The following MUC5B variants were observed in gnomAD, a reference collection of about 807,000 sequenced individuals.
MUC5B encodes mucin 5B, oligomeric mucus/gel-forming.
Under a neutral mutation model 376.9 loss-of-function variants are expected in MUC5B, and 116 were observed. The observed-to-expected ratio is 0.31, with a 90% CI of 0.26 to 0.36. MUC5B has a LOEUF of 0.36. Among genes scored for constraint, MUC5B ranks in the 10% least tolerant of loss-of-function variants. MUC5B has a pLI of 1.00. For missense variants in MUC5B, 7,165 were observed against 7,769.9 expected, an observed-to-expected ratio of 0.92 and a Z score of 2.93; for synonymous variants, 3,517 against 3,390.9, an observed-to-expected ratio of 1.04 and a Z score of -1.29.
In MUC5B at chr11:1,243,062, C is replaced by T. The variant is rs61997210; in HGVS notation, c.6182C>T (p.Ala2061Val). 0.057 allele frequency: 92,633 copies of T among 1,611,446 alleles called. 4,417 individuals are homozygous for T. The highest frequency in any genetic ancestry group is 0.14 in the Admixed American group (8,202 of 59,926). Reference sequence around the variant, plus strand: ...ACTACCACAACCACGGGCTTCACAGCCACCCCCTCCTCCAGCCCAGGGACG... The same window carrying T: ...ACTACCACAACCACGGGCTTCACAGTCACCCCCTCCTCCAGCCCAGGGACG... ...VPTTTTTGFT[A>V]TPSSSPGTAL... Residue 2061 changes from alanine (A) to valine (V), a missense_variant, in exon 31 of 49, where the codon GCC becomes GTC. By Grantham distance (64) the Ala-to-Val change is moderately conservative. This residue lies in a region of MUC5B where 897 missense variants were observed against 779.6 expected (regional missense o/e 1.15). Transcript: ENST00000529681.
Position 1,234,988 on chromosome 11 carries a change from G to A in MUC5B, c.2631-97G>A. On this transcript the variant is annotated intron_variant, in intron 21 of 48. Coordinates refer to ENST00000529681, the MANE Select transcript of MUC5B (RefSeq NM_002458.3). This position sits in a 1 kb window ranked among gnomAD's most constrained non-coding sequence, Gnocchi z 6.3. ...GGGTCAGGCTGGGCCTGGGGAGGCT[G>A]AGGCCCCGTGCTGACCTGCACAGGC... 6.9e-7 allele frequency: 1 copy of A among 1,452,220 alleles called. No homozygotes were observed. Among genetic ancestry groups the A allele is most frequent in the Non-Finnish European group, 9.1e-7 (1 of 1,098,916 alleles). 90.0% of individuals were successfully genotyped at this position (1,452,220 alleles called of 1,614,324 possible). A position where few individuals can be genotyped will look rare whatever the true frequency, so the allele number is the denominator to read the frequency against.
In MUC5B at chr11:1,258,440, A is replaced by G. The variant is rs1862904896; in HGVS notation, c.16593+73A>G. ...GTGTGGGATGCCCCGGGGCTCTCTG[A>G]GCCCCACTCCTTGTCTTGACATTCC... On this transcript the variant is annotated intron_variant, in intron 43 of 48. Transcript: ENST00000529681. This position sits in a 1 kb window ranked among gnomAD's most constrained non-coding sequence, Gnocchi z 5.5. 2 of 1,545,294 alleles carry G rather than the reference A, an allele frequency of 1.3e-6. No individual in the cohort carries two copies. Among genetic ancestry groups the G allele is most frequent in the Admixed American group, 1.9e-5 (1 of 53,912 alleles).
chr11:1,261,379 G>C lies in MUC5B; in HGVS notation c.17070-10G>C, dbSNP rs367665139. On this transcript the variant is annotated splice_polypyrimidine_tract_variant and intron_variant, in intron 48 of 48. Coordinates refer to ENST00000529681, the MANE Select transcript of MUC5B (RefSeq NM_002458.3). The stretch of plus-strand genomic sequence containing the variant: ...AGGTGGCTGATGTGAGGGCCACCCT[G>C]CGTCCACAGGTACTCAGCAGAGGCC... 17 of 1,540,376 alleles carry C rather than the reference G, an allele frequency of 1.1e-5. No homozygotes were observed. Among genetic ancestry groups the C allele is most frequent in the Non-Finnish European group, 1.0e-5 (12 of 1,144,460 alleles).
In MUC5B at chr11:1,234,911, G is replaced by A. The variant is rs1862121184; in HGVS notation, c.2631-174G>A. ...CGTGGTGCTACCAGGAGCCTGGTGG[G>A]GCTGCGTGCCCTGCATTCACAGTGG... On this transcript the variant is annotated intron_variant, in intron 21 of 48. Coordinates refer to ENST00000529681, the MANE Select transcript of MUC5B (RefSeq NM_002458.3). The surrounding 1 kb of genome is among the most constrained non-coding windows in gnomAD (Gnocchi z 6.3). Among the ~76,000 whole-genome samples the A allele has an allele frequency of 6.6e-6, 1 of 152,136 alleles. No individual in the cohort carries two copies. The highest frequency in any genetic ancestry group is 2.4e-5 in the African/African-American group (1 of 41,418).
chr11:1,261,772 A>T lies in MUC5B; in HGVS notation c.*164A>T. On this transcript the variant is annotated 3_prime_UTR_variant, in exon 49 of 49. Transcript: ENST00000529681. ...CCCCGTGGGTGAAACCGGCCCCAGA[A>T]GGGTGAGGGGCCAGCAGGACCCCTT... 2.7e-6 allele frequency: 2 copies of T among 754,652 alleles called. No homozygotes were observed. The highest frequency in any genetic ancestry group is 4.6e-6 in the Non-Finnish European group (2 of 434,068). 46.7% of individuals were successfully genotyped at this position (754,652 alleles called of 1,614,324 possible).
At position 1,245,968 on chromosome 11, in the gene MUC5B, A is replaced by G. The variant is rs1255851062; in HGVS notation, c.9088A>G (p.Thr3030Ala). ...TCCCAAAGTGCTGACCAGCACGGCC[A>G]CCACACCCACAGCCACCAGTTCCAA... ...PPPKVLTSTA[T>A]TPTATSSKAT... is the part of the protein sequence containing the mutation. Residue 3030 changes from threonine (T) to alanine (A), a missense_variant, in exon 31 of 49, where the codon ACC becomes GCC. Around this residue, in one of 31 missense-constraint regions of MUC5B, gnomAD observed 939 missense variants for 770.6 expected, o/e 1.22. Transcript: ENST00000529681. 4.3e-6 allele frequency: 7 copies of G among 1,612,766 alleles called. No individual in the cohort carries two copies. In the African/African-American group the frequency reaches 5.4e-5, roughly 12 times the overall value.
intron 7 of MUC5B, 177 bp from the exon 8 acceptor site, chr11:1,228,387 C>T (rs1188067560): frequency 3.3e-6 from 2 of 611,186 alleles, no homozygotes; most frequent in South Asian, 4.5e-5. Context: ...CGGGTCACTC[C>T]CCAAGGGCCA....
chr11:1,238,365 C>T lies in MUC5B; in HGVS notation c.3298-506C>T, dbSNP rs144166346. On this transcript the variant is annotated intron_variant, in intron 25 of 48. Transcript: ENST00000529681. ...AGAAAGGCGGTGGGTGCTGGGTGGT[C>T]GGATGCTAGGATGTGGAGGGCCCTG... 1.9e-3 allele frequency among the ~76,000 whole-genome samples: 296 copies of T among 152,130 alleles called. 2 individuals are homozygous for T. Among genetic ancestry groups the T allele is most frequent in the African/African-American group, 6.6e-3 (272 of 41,470 alleles).
Position 1,249,328 on chromosome 11 carries a change from G to C in MUC5B, c.12448G>C (p.Gly4150Arg), listed in dbSNP as rs756066408. ...CTACCCCATGCCGGGGCCCTCTGGC[G>C]GGGACTTTGACACCTACTCCAACAT... ...YSYPMPGPSG[G>R]DFDTYSNIRA... Residue 4150 changes from glycine to arginine, a missense_variant, in exon 31 of 49, where the codon GGG (glycine) becomes CGG (arginine). Transcript: ENST00000529681. 6.2e-7 allele frequency: 1 copy of C among 1,610,586 alleles called. No individual in the cohort carries two copies. The highest frequency in any genetic ancestry group is 1.7e-5 in the Admixed American group (1 of 59,944).
rs778083835 is a variant in MUC5B, at chr11:1,246,100, C to T, written c.9220C>T (p.Leu3074Phe). The T allele has an allele frequency of 2.0e-5, 32 of 1,613,058 alleles. No homozygotes were observed. Among genetic ancestry groups the T allele is most frequent in the Non-Finnish European group, 2.5e-5 (30 of 1,179,598 alleles). ...CTTTACACCCATCCCCTCCTTCACC[C>T]TTGGGACCACCGGGACCCTCCCAGA... ...TSFTPIPSFT[L>F]GTTGTLPEQT... Residue 3074 changes from leucine (L) to phenylalanine (F), a missense_variant, in exon 31 of 49, where the codon CTT (leucine) becomes TTT (phenylalanine). This residue lies in a region of MUC5B where 939 missense variants were observed against 770.6 expected (regional missense o/e 1.22). Coordinates refer to ENST00000529681, the MANE Select transcript of MUC5B (RefSeq NM_002458.3).
At position 1,258,634 on chromosome 11, in the gene MUC5B, G is replaced by A. The variant is rs920293720; in HGVS notation, c.16593+267G>A. The stretch of plus-strand genomic sequence containing the variant: ...CTGGGGGCAGCACACACTGGCCTGG[G>A]GTCCCCGCCTGCCCGCCCAGATTCC... On this transcript the variant is annotated intron_variant, in intron 43 of 48. Transcript: ENST00000529681. This position sits in a 1 kb window ranked among gnomAD's most constrained non-coding sequence, Gnocchi z 5.5. 5.9e-5 allele frequency among the ~76,000 whole-genome samples: 9 copies of A among 152,090 alleles called. No individual in the cohort carries two copies. The highest frequency in any genetic ancestry group is 4.6e-4 in the Admixed American group (7 of 15,280).
chr11:1,259,830 C>T lies in MUC5B; in HGVS notation c.16788C>T (p.Gly5596=), dbSNP rs1862950910. 6.2e-7 allele frequency: 1 copy of T among 1,612,346 alleles called. No individual in the cohort carries two copies. The highest frequency in any genetic ancestry group is 1.3e-5 in the African/African-American group (1 of 74,874). The change falls in exon 45 of 49, where the codon GGC becomes GGT. Residue 5596 remains glycine (G), a synonymous_variant. Coordinates refer to ENST00000529681, the MANE Select transcript of MUC5B (RefSeq NM_002458.3). ...CVQTACLTPD[G]QPVQLNETWV... ...AGACCGCCTGCCTCACGCCCGATGG[C>T]CAGCCAGTCCAGGTAACAGCAGAGG...
intron 23 of MUC5B, 30 bp downstream of exon 23, chr11:1,235,443 C>A: frequency 1.9e-6 from 3 of 1,581,510 alleles, no homozygotes; most frequent in East Asian, 2.3e-5. Context: ...TGAGCACCCC[C>A]GACCCTGCAG....
intron 11 of MUC5B, among the ~76,000 whole-genome samples, 169 bp downstream of exon 11, chr11:1,230,312 C>T (rs867948683): frequency 4.6e-5 from 7 of 152,180 alleles, no homozygotes; most frequent in South Asian, 2.1e-4. Flanking sequence ...CCCTGCTGAG[C>T]GGCATGGGGC....
chr11:1,226,303 G>A (rs371325217), intron 3 of MUC5B, 27 bp downstream of exon 3: 46 of 1,547,990 alleles, frequency 3.0e-5, no homozygotes, highest in East Asian at 2.9e-4. Flanking sequence ...CCTGCCAGCC[G>A]GGAAGGGGGT....
In MUC5B at chr11:1,243,714, C is replaced by T. The variant is rs746338355; in HGVS notation, c.6834C>T (p.Ala2278=). Residue 2278 remains alanine (A), a synonymous_variant, in exon 31 of 49, where the codon GCC becomes GCT. Coordinates refer to ENST00000529681, the MANE Select transcript of MUC5B (RefSeq NM_002458.3). ...CGACCACCCCGGGCCACACCACGGCCACCTCCAGGACCACAGCCACGGCCA... is the reference window on the plus strand; with the variant it reads ...CGACCACCCCGGGCCACACCACGGCTACCTCCAGGACCACAGCCACGGCCA... ...PGTTTPGHTT[A]TSRTTATATP... The T allele has an allele frequency of 2.5e-6, 4 of 1,611,744 alleles. No homozygotes were observed. The Admixed American group carries it at 5.0e-5, about 20-fold the overall frequency.
In MUC5B at chr11:1,243,289, G is replaced by A; in HGVS notation, c.6409G>A (p.Ala2137Thr). 6.4e-7 allele frequency: 1 copy of A among 1,556,180 alleles called. No homozygotes were observed. The highest frequency in any genetic ancestry group is 8.7e-7 in the Non-Finnish European group (1 of 1,150,044). ...SGTPPSLTTTATTITATGSTT... is the reference protein window; with the variant it reads ...SGTPPSLTTTTTTITATGSTT... ...TACTCCCCCATCACTGACCACCACGGCCACTACGATCACGGCCACCGGCTC... is the reference window on the plus strand; with the variant it reads ...TACTCCCCCATCACTGACCACCACGACCACTACGATCACGGCCACCGGCTC... Residue 2137 changes from alanine (A) to threonine (T), a missense_variant, in exon 31 of 49, where the codon GCC becomes ACC. Transcript: ENST00000529681.
Position 1,254,357 on chromosome 11 carries a change from T to A in MUC5B, c.15477+6T>A. On this transcript the variant is annotated splice_donor_region_variant and intron_variant, in intron 34 of 48. Transcript: ENST00000529681. ...ATGGGAAGGAGGAGGGCCTGGTGAG[T>A]CCAGGCTGCGGGTGGCACAGTGTTG... 6.3e-7 allele frequency: 1 copy of A among 1,599,422 alleles called. No individual in the cohort carries two copies. Among genetic ancestry groups the A allele is most frequent in the Non-Finnish European group, 8.5e-7 (1 of 1,178,946 alleles).
chr11:1,227,855 AG>A (rs1861923957), intron 7 of MUC5B, 74 bp downstream of exon 7: 1 of 654,766 alleles, frequency 1.5e-6, no homozygotes, highest in Admixed American at 2.3e-5. Flanking sequence ...CCGAGGTCTG[AG>A]GAATGTTCCC....
Sources: allele counts gnomAD v4.1 joint callset (sites outside exome capture counted in the v4.1 genomes callset), GRCh38; gene constraint gnomAD v4.1.1; regional missense constraint gnomAD v4.1.1; non-coding constraint Gnocchi (gnomAD v3.1); transcripts MANE v1.5; gene names NCBI Gene and HGNC (gene_info 2026-07-23, HGNC 2026-07-21).